The following IL1RAPL1 variants were observed in gnomAD, a reference collection of about 807,000 sequenced individuals.
IL1RAPL1 encodes the protein interleukin-1 receptor accessory protein-like 1.
A neutral mutation model predicts 48.4 loss-of-function variants in IL1RAPL1; 3 were observed. The observed-to-expected ratio is 0.06, with a 90% confidence interval of 0.03 to 0.16. The LOEUF is 0.16. Among genes scored for constraint, IL1RAPL1 ranks in the 10% least tolerant of loss-of-function variants. IL1RAPL1 has a pLI of 1.00. For synonymous variants in IL1RAPL1, 185 were observed against 187.7 expected (o/e 0.99, Z 0.12); for missense variants, 349 against 530.6 (o/e 0.66, Z 3.36).
At chrX:29,526,171 C>T (rs920079818) in intron 5 of IL1RAPL1, among the ~76,000 whole-genome samples, 9 of 111,376 alleles carry the variant, frequency 8.1e-5, no homozygotes, top group Non-Finnish European at 1.5e-4. Context: ...ATTAGGAGTC[C>T]GTTGAACTCT....
At chrX:29,239,473 A>G (rs1482097003) in intron 2 of IL1RAPL1, among the ~76,000 whole-genome samples, 1 of 112,344 alleles carries the variant, frequency 8.9e-6, no homozygotes, top group African/African-American at 3.2e-5. Flanking sequence ...TAAATTACCA[A>G]AGGCTTAGTG....
At chrX:29,320,830 A>G (rs1195212775) in intron 3 of IL1RAPL1, among the ~76,000 whole-genome samples, 1 of 110,920 alleles carries the variant, frequency 9.0e-6, no homozygotes, top group Non-Finnish European at 1.9e-5. Flanking sequence ...TTAAAAATAT[A>G]TTTGAGCATA....
At chrX:29,295,401 C>T (rs1476874985) in intron 3 of IL1RAPL1, among the ~76,000 whole-genome samples, 1 of 111,696 alleles carries the variant, frequency 9.0e-6, no homozygotes. Context: ...TTTGGGGGTA[C>T]TTTCTAGGTT....
intron 6 of IL1RAPL1, among the ~76,000 whole-genome samples, chrX:29,822,284 C>A (rs1466683432): frequency 1.8e-5 from 2 of 111,325 alleles, no homozygotes; most frequent in African/African-American, 6.5e-5. Context: ...GTGCATTTAA[C>A]AAGTATGTGG....
chrX:29,734,423 G>A (rs768114784), intron 6 of IL1RAPL1, among the ~76,000 whole-genome samples: 10 of 111,913 alleles, frequency 8.9e-5, no homozygotes, highest in Middle Eastern at 4.6e-3. Context: ...TAATGTCACC[G>A]TAGTCACTAA....
chrX:29,177,636 G>A (rs1260778734), intron 2 of IL1RAPL1, among the ~76,000 whole-genome samples: 1 of 111,870 alleles, frequency 8.9e-6, no homozygotes, highest in Non-Finnish European at 1.9e-5. Flanking sequence ...GGGTACATGT[G>A]CACAACGTGC....
At chrX:29,254,666 A>G (rs927618665) in intron 2 of IL1RAPL1, among the ~76,000 whole-genome samples, 5 of 112,175 alleles carry the variant, frequency 4.5e-5, no homozygotes, top group Non-Finnish European at 7.5e-5. Context: ...TGGAAGCAGA[A>G]TAATCACACA....
At chrX:28,923,453 G>A (rs1286020467) in intron 2 of IL1RAPL1, among the ~76,000 whole-genome samples, 2 of 111,310 alleles carry the variant, frequency 1.8e-5, no homozygotes, top group Non-Finnish European at 3.8e-5. Context: ...GGAATTACAG[G>A]TGTGAGCTAT....
At chrX:28,691,550 A>G (rs1026779783) in intron 1 of IL1RAPL1, among the ~76,000 whole-genome samples, 2 of 112,074 alleles carry the variant, frequency 1.8e-5, no homozygotes, top group African/African-American at 6.5e-5. Flanking sequence ...TTGAGGTGAG[A>G]GACAATGGAT....
intron 2 of IL1RAPL1, among the ~76,000 whole-genome samples, chrX:29,199,538 G>A (rs921941877): frequency 6.3e-5 from 7 of 111,247 alleles, no homozygotes; most frequent in Non-Finnish European, 9.4e-5. Context: ...AGCTGATTTC[G>A]GGGTGAAACT....
At chrX:29,335,693 T>C (rs944831481) in intron 3 of IL1RAPL1, among the ~76,000 whole-genome samples, 2 of 111,471 alleles carry the variant, frequency 1.8e-5, no homozygotes, top group Admixed American at 9.6e-5. Context: ...GTCAGAATGC[T>C]TGACTGTACA....
chrX:28,945,239 T>A (rs1259231545), intron 2 of IL1RAPL1, among the ~76,000 whole-genome samples: 9 of 111,059 alleles, frequency 8.1e-5, no homozygotes, highest in African/African-American at 2.9e-4. Flanking sequence ...GACCCAGCAA[T>A]CCCATTACTG....
chrX:28,971,754 A>G (rs1320902975), intron 2 of IL1RAPL1, among the ~76,000 whole-genome samples: 1 of 111,073 alleles, frequency 9.0e-6, no homozygotes, highest in East Asian at 2.8e-4. Flanking sequence ...AGGAGAATTG[A>G]AAGTTTTAGC....
chrX:29,355,275 G>T (rs1447602921), intron 3 of IL1RAPL1, among the ~76,000 whole-genome samples: 2 of 111,450 alleles, frequency 1.8e-5, no homozygotes, highest in Non-Finnish European at 3.8e-5. Flanking sequence ...ATATTTTGGG[G>T]TATCATATTC....
chrX:29,053,150 TA>T (rs200739786), intron 2 of IL1RAPL1, among the ~76,000 whole-genome samples: 1,210 of 111,602 alleles, frequency 0.011, 18 homozygotes, highest in African/African-American at 0.038. Flanking sequence ...GTTCCTCTGT[TA>T]GTTTGCTAAG....
intron 6 of IL1RAPL1, among the ~76,000 whole-genome samples, chrX:29,773,574 T>C (rs1464876845): frequency 8.9e-6 from 1 of 112,626 alleles, no homozygotes; most frequent in Non-Finnish European, 1.9e-5. Flanking sequence ...CTTGTTAAAT[T>C]GTCTCTCATT....
chrX:28,639,895 G>A (rs897020820), intron 1 of IL1RAPL1, among the ~76,000 whole-genome samples: 8 of 111,857 alleles, frequency 7.2e-5, no homozygotes, highest in Admixed American at 2.9e-4. Context: ...CTAAATTAGG[G>A]TGAGACAACT....
At chrX:28,625,500 T>G (rs1165862512) in intron 1 of IL1RAPL1, among the ~76,000 whole-genome samples, 1 of 111,741 alleles carries the variant, frequency 8.9e-6, no homozygotes, top group South Asian at 3.7e-4. Context: ...AGCAAACACA[T>G]GGGAAGGGCA....
intron 2 of IL1RAPL1, among the ~76,000 whole-genome samples, chrX:29,269,058 C>T (rs1004245389): frequency 1.8e-5 from 2 of 111,994 alleles, no homozygotes; most frequent in African/African-American, 6.5e-5. Context: ...TTGGATGAAC[C>T]ATGAAGTCCT....
Sources: gnomAD v4.1 joint callset for allele counts (sites outside exome capture counted in the v4.1 genomes callset) on GRCh38, gnomAD v4.1.1 for gene constraint, MANE v1.5 for transcripts, NCBI Gene and HGNC (gene_info 2026-07-23, HGNC 2026-07-21) for gene names.